The following ERBIN variants were observed in gnomAD, a reference collection of about 807,000 sequenced individuals.
ERBIN encodes densin-180-like protein.
A neutral mutation model predicts 158.4 loss-of-function variants in ERBIN; 60 were observed. The ratio of observed to expected loss-of-function variants is 0.38; its 90% confidence interval spans 0.31 to 0.47. The LOEUF (loss-of-function observed/expected upper bound fraction) is 0.47, where lower values mean the gene tolerates loss of function less well. Ranked by LOEUF, ERBIN falls within the 20% of genes least tolerant of loss-of-function variation. The pLI is 0.99. For synonymous variants in ERBIN, 594 were observed against 557.2 expected (o/e 1.07, Z -0.93); for missense variants, 1,610 against 1,648.0 (o/e 0.98, Z 0.40).
At chr5:66,069,024 A>T in intron 21 of ERBIN, 1 of 1,532,500 alleles carries the variant, frequency 6.5e-7, no homozygotes. Flanking sequence ...TTTTCGAGTG[A>T]GTACCTACAC....
chr5:66,044,299 G>T lies in ERBIN; in HGVS notation c.1591G>T (p.Val531Leu). The T allele has an allele frequency of 6.3e-7, 1 of 1,591,178 alleles. No homozygotes were observed. Among genetic ancestry groups the T allele is most frequent in the East Asian group, 2.2e-5 (1 of 44,598 alleles). Residue 531 changes from valine to leucine, a missense_variant, in exon 17 of 26, where the codon GTG becomes TTG. By Grantham distance (32) the Val-to-Leu change is conservative (BLOSUM62 1). Coordinates refer to ENST00000284037, the MANE Select transcript of ERBIN (RefSeq NM_001253697.2). ...AGATCAACAAGATATAAATAAAGAT[G>T]TGGGTGTGAAGGTTAGAAAATTCAA... ...HEDQQDINKD[V>L]GVKTSESTTT...
chr5:65,955,978 T>C (rs552454266), intron 1 of ERBIN, among the ~76,000 whole-genome samples: 1 of 152,366 alleles, frequency 6.6e-6, no homozygotes, highest in Admixed American at 6.5e-5. Context: ...AGTCACTTAG[T>C]AGTAGCTGTC....
At position 65,941,331 on chromosome 5, in the gene ERBIN, AAGAAC is replaced by A. The variant is rs1207892486; in HGVS notation, c.-58+14527_-58+14531del. 7.8e-5 allele frequency among the ~76,000 whole-genome samples: 10 copies of A among 128,686 alleles called. 1 individual carries two copies. Among genetic ancestry groups the A allele is most frequent in the South Asian group, 2.6e-4 (1 of 3,810 alleles). 84.4% of individuals were successfully genotyped at this position (128,686 alleles called of 152,430 possible). A position where few individuals can be genotyped will look rare whatever the true frequency, so the allele number is the denominator to read the frequency against. ...TGATCAATAAAAAAAAAAAAAAAAA[AAGAAC>A]AATACAAATAACAACAATATAGCAA... On this transcript the variant is annotated intron_variant, in intron 1 of 25. Transcript: ENST00000284037.
chr5:66,071,864 G>C (rs891662426), intron 21 of ERBIN, among the ~76,000 whole-genome samples: 2 of 151,616 alleles, frequency 1.3e-5, no homozygotes, highest in Non-Finnish European at 2.9e-5. Flanking sequence ...AGGTATTACT[G>C]TAAGTAAAAC....
chr5:65,934,126 GAT>G, intron 1 of ERBIN, among the ~76,000 whole-genome samples: 1 of 152,172 alleles, frequency 6.6e-6, no homozygotes, highest in Non-Finnish European at 1.5e-5. Context: ...TTGATCTCCT[GAT>G]GTCATGATTT....
intron 1 of ERBIN, among the ~76,000 whole-genome samples, chr5:65,976,549 G>T (rs1253227083): frequency 6.7e-6 from 1 of 148,440 alleles, no homozygotes; most frequent in Non-Finnish European, 1.5e-5. Context: ...GATCATTCTT[G>T]GGTGTTTCTC....
intron 4 of ERBIN, among the ~76,000 whole-genome samples, chr5:65,995,577 G>A (rs1487130997): frequency 6.6e-6 from 1 of 152,124 alleles, no homozygotes; most frequent in Non-Finnish European, 1.5e-5. Flanking sequence ...GAATAGTGCT[G>A]TAATGAACAT....
rs1362827177 is a variant in ERBIN, at chr5:66,050,496, C to T, written c.1904-287C>T. On this transcript the variant is annotated intron_variant, in intron 19 of 25. Transcript: ENST00000284037. ...TCCTGACCTCGTGATCCGCCCGCCT[C>T]GGCCTCCCAAAGTGCTGGGATTACA... Among the ~76,000 whole-genome samples, 10 of 5,476 alleles carry T rather than the reference C, an allele frequency of 1.8e-3. 4 individuals are homozygous for T. The highest frequency in any genetic ancestry group is 7.5e-3 in the Non-Finnish European group (10 of 1,328). The allele number at this position is 5,476 out of a possible 152,430, so 3.6% of individuals were successfully genotyped here. A position where few individuals can be genotyped will look rare whatever the true frequency, so the allele number is the denominator to read the frequency against.
intron 1 of ERBIN, among the ~76,000 whole-genome samples, chr5:65,928,206 G>GA (rs1190265235): frequency 6.7e-6 from 1 of 150,084 alleles, no homozygotes; most frequent in East Asian, 2.0e-4. Context: ...CTGTAGTTTT[G>GA]ATTTTTTTTT....
At chr5:66,018,480 TTATATATTATATTA>T (rs1466178348) in intron 7 of ERBIN, among the ~76,000 whole-genome samples, 182 of 5,452 alleles carry the variant, frequency 0.033, 48 homozygotes, top group African/African-American at 0.099. Context: ...ATATTATATA[TTATATATTATATTA>T]TATAATATAT....
At chr5:66,011,383 C>G (rs543256804) in intron 4 of ERBIN, among the ~76,000 whole-genome samples, 1 of 152,206 alleles carries the variant, frequency 6.6e-6, no homozygotes, top group South Asian at 2.1e-4. Flanking sequence ...AATCAAGAGC[C>G]CAGCATTTAA....
rs142194548 is a variant in ERBIN, at chr5:66,063,395, A to G, written c.3633+8444A>G. On this transcript the variant is annotated intron_variant, in intron 21 of 25. Transcript: ENST00000284037. ...TTTGTTAAGCCCGTTGGAAAAGCGCAGTATTAGGGCAGGAGTGACCCGATT... is the reference window on the plus strand; with the variant it reads ...TTTGTTAAGCCCGTTGGAAAAGCGCGGTATTAGGGCAGGAGTGACCCGATT... Among the ~76,000 whole-genome samples the G allele has an allele frequency of 2.6e-3, 390 of 152,306 alleles. 6 individuals are homozygous for G. The East Asian group carries it at 0.051, about 20-fold the overall frequency.
chr5:65,989,549 TTC>T (rs761352027), intron 2 of ERBIN, among the ~76,000 whole-genome samples: 4 of 152,210 alleles, frequency 2.6e-5, no homozygotes, highest in Admixed American at 1.3e-4. Context: ...GTTCTGCAAT[TTC>T]TGTTTGTCTG....
chr5:65,965,382 GTTTTTTTTTTTTTTTTTT>G (rs200847060), intron 1 of ERBIN, among the ~76,000 whole-genome samples: 12 of 96,056 alleles, frequency 1.2e-4, no homozygotes, highest in East Asian at 7.1e-4. Context: ...GTTTTTTGTT[GTTTTTTTTTTTTTTTTTT>G]TTTTTTTTTT....
chr5:65,997,669 T>C (rs1030196013), intron 4 of ERBIN, among the ~76,000 whole-genome samples: 7 of 152,134 alleles, frequency 4.6e-5, no homozygotes, highest in African/African-American at 1.4e-4. Context: ...TTAATAAGAA[T>C]TGGGGAAAAA....
At chr5:65,996,965 T>C (rs1268169692) in intron 4 of ERBIN, among the ~76,000 whole-genome samples, 2 of 152,196 alleles carry the variant, frequency 1.3e-5, no homozygotes, top group Non-Finnish European at 2.9e-5. Context: ...CTGATTTTTG[T>C]ATGTTGATTT....
At chr5:65,992,422 C>T (rs1182162872) in intron 2 of ERBIN, among the ~76,000 whole-genome samples, 1 of 152,080 alleles carries the variant, frequency 6.6e-6, no homozygotes, top group Non-Finnish European at 1.5e-5. Context: ...GCTGGGATTA[C>T]AGGTGTGAGC....
Position 65,969,586 on chromosome 5 carries a change from C to G in ERBIN, c.-57-19049C>G, listed in dbSNP as rs575623494. 7.2e-5 allele frequency among the ~76,000 whole-genome samples: 11 copies of G among 152,270 alleles called. 1 individual carries two copies. Among genetic ancestry groups the G allele is most frequent in the African/African-American group, 2.6e-4 (11 of 41,538 alleles). On this transcript the variant is annotated intron_variant, in intron 1 of 25. Coordinates refer to ENST00000284037, the MANE Select transcript of ERBIN (RefSeq NM_001253697.2). ...TTCCAAAGCCAGCTACTTTTGTGTTCAGCTATATTGTTTTTGAATTTTCAG... is the reference window on the plus strand; with the variant it reads ...TTCCAAAGCCAGCTACTTTTGTGTTGAGCTATATTGTTTTTGAATTTTCAG...
At chr5:66,013,252 T>C (rs1463761838) in intron 5 of ERBIN, among the ~76,000 whole-genome samples, 1 of 152,246 alleles carries the variant, frequency 6.6e-6, no homozygotes, top group Admixed American at 6.5e-5. Flanking sequence ...TTCAGAGTTA[T>C]ACCCTAAATA....
Sources: allele counts gnomAD v4.1 joint callset (sites outside exome capture counted in the v4.1 genomes callset), GRCh38; gene constraint gnomAD v4.1.1; transcripts MANE v1.5; gene names NCBI Gene and HGNC (gene_info 2026-07-23, HGNC 2026-07-21).